Variants in SYT6 observed in about 807,000 individuals in gnomAD.
SYT6 encodes the protein synaptotagmin-6.
Under a neutral mutation model 38.4 loss-of-function variants are expected in SYT6, and 24 were observed. The ratio of observed to expected loss-of-function variants is 0.62; its 90% confidence interval spans 0.45 to 0.88. SYT6 has a LOEUF of 0.88. SYT6 is among the 40% of genes least tolerant of loss of function. The pLI, the probability that SYT6 is intolerant of heterozygous loss-of-function variation, is 0.00. For synonymous variants in SYT6, 265 were observed against 241.9 expected (o/e 1.10, Z -0.89); for missense variants, 611 against 621.0 (o/e 0.98, Z 0.17).
chr1:114,132,446 C>A (rs1463613468), intron 3 of SYT6, among the ~76,000 whole-genome samples: 1 of 152,182 alleles, frequency 6.6e-6, no homozygotes, highest in Non-Finnish European at 1.5e-5. Flanking sequence ...GCTGTGGAGA[C>A]CACACTCCCG....
At chr1:114,153,487 A>G (rs1024268664) in intron 1 of SYT6, 123 bp downstream of exon 1, 3 of 540,452 alleles carry the variant, frequency 5.6e-6, no homozygotes, top group Admixed American at 3.9e-5. Flanking sequence ...GCTGGCTCCC[A>G]ATCCAGAATC....
At position 114,097,722 on chromosome 1, in the gene SYT6, C is replaced by A. The variant is rs1480594040; in HGVS notation, c.1515+5G>T. 6.2e-7 allele frequency: 1 copy of A among 1,613,828 alleles called. No individual in the cohort carries two copies. The highest frequency in any genetic ancestry group is 1.3e-5 in the African/African-American group (1 of 75,064). On this transcript the variant is annotated splice_donor_5th_base_variant and intron_variant, in intron 6 of 7. Coordinates refer to ENST00000610222, the MANE Select transcript of SYT6 (RefSeq NM_001253772.2). ...ACATGCCAAGGGCCAGGTGACCTCACCCACCTCTTTGAAGGATTTCTTTAC... is the reference window on the plus strand; with the variant it reads ...ACATGCCAAGGGCCAGGTGACCTCAACCACCTCTTTGAAGGATTTCTTTAC...
chr1:114,118,213 C>A (rs1677117724), intron 3 of SYT6, among the ~76,000 whole-genome samples: 1 of 152,220 alleles, frequency 6.6e-6, no homozygotes, highest in Non-Finnish European at 1.5e-5. Context: ...CCTGCTCACC[C>A]AGGAGCACGA....
intron 3 of SYT6, among the ~76,000 whole-genome samples, chr1:114,107,695 C>T: frequency 6.6e-6 from 1 of 152,206 alleles, no homozygotes; most frequent in South Asian, 2.1e-4. Flanking sequence ...GGGTCAGCAT[C>T]TCCTGGTAGT....
chr1:114,119,492 TG>T (rs1194817005), intron 3 of SYT6, among the ~76,000 whole-genome samples: 1 of 152,262 alleles, frequency 6.6e-6, no homozygotes, highest in Admixed American at 6.5e-5. Flanking sequence ...GGCTGAGATT[TG>T]TGTGAATTCT....
intron 1 of SYT6, among the ~76,000 whole-genome samples, chr1:114,147,973 A>T (rs1003510665): frequency 6.6e-6 from 1 of 152,218 alleles, no homozygotes; most frequent in African/African-American, 2.4e-5. Context: ...GGGAGACTCC[A>T]GATCAGAGGA....
At chr1:114,151,683 G>A (rs1485760114) in intron 1 of SYT6, among the ~76,000 whole-genome samples, 1 of 152,176 alleles carries the variant, frequency 6.6e-6, no homozygotes, top group Non-Finnish European at 1.5e-5. Flanking sequence ...CAGCATTAAG[G>A]CTCCACTGGA....
chr1:114,144,523 C>T (rs529753652), intron 1 of SYT6, among the ~76,000 whole-genome samples: 1 of 152,308 alleles, frequency 6.6e-6, no homozygotes, highest in East Asian at 1.9e-4. Flanking sequence ...CTGTAGGCTA[C>T]TATGACACGT....
intron 1 of SYT6, among the ~76,000 whole-genome samples, chr1:114,148,009 C>G (rs1173029253): frequency 1.3e-5 from 2 of 152,144 alleles, no homozygotes; most frequent in Non-Finnish European, 2.9e-5. Context: ...ACGTCAGGCC[C>G]CTCTTCTCTC....
At chr1:114,109,408 T>G (rs536190120) in intron 3 of SYT6, among the ~76,000 whole-genome samples, 1 of 152,232 alleles carries the variant, frequency 6.6e-6, no homozygotes, top group African/African-American at 2.4e-5. Flanking sequence ...GGATTTGGGG[T>G]CAGGCAGATC....
At chr1:114,125,469 GAT>G (rs1677667585) in intron 3 of SYT6, among the ~76,000 whole-genome samples, 1 of 152,140 alleles carries the variant, frequency 6.6e-6, no homozygotes, top group Non-Finnish European at 1.5e-5. Context: ...CAGAAAGGAA[GAT>G]ATTAAATATT....
At chr1:114,109,951 G>T (rs754721334) in intron 3 of SYT6, among the ~76,000 whole-genome samples, 4 of 152,222 alleles carry the variant, frequency 2.6e-5, no homozygotes, top group Non-Finnish European at 5.9e-5. Flanking sequence ...ACACAGAAGG[G>T]GCAGGGAGTG....
chr1:114,148,373 A>G (rs1679262047), intron 1 of SYT6, among the ~76,000 whole-genome samples: 1 of 152,256 alleles, frequency 6.6e-6, no homozygotes, highest in Non-Finnish European at 1.5e-5. Flanking sequence ...TAAACTGGGA[A>G]GAGGAAGCAA....
At chr1:114,106,970 T>C (rs952772612) in intron 3 of SYT6, among the ~76,000 whole-genome samples, 1 of 152,194 alleles carries the variant, frequency 6.6e-6, no homozygotes, top group African/African-American at 2.4e-5. Flanking sequence ...GGTGCTCACA[T>C]TTTAGTAAAA....
At chr1:114,117,778 A>G in intron 3 of SYT6, among the ~76,000 whole-genome samples, 1 of 152,208 alleles carries the variant, frequency 6.6e-6, no homozygotes, top group Non-Finnish European at 1.5e-5. Flanking sequence ...TCTGCTGCGA[A>G]TCAGTAGAAT....
chr1:114,142,978 TG>T (rs1678944467), intron 1 of SYT6, among the ~76,000 whole-genome samples: 1 of 152,132 alleles, frequency 6.6e-6, no homozygotes, highest in Non-Finnish European at 1.5e-5. Context: ...GTATACTTTT[TG>T]TAAGGCTTTA....
chr1:114,153,287 G>A (rs549068035), intron 1 of SYT6, among the ~76,000 whole-genome samples: 1 of 152,210 alleles, frequency 6.6e-6, no homozygotes, highest in African/African-American at 2.4e-5. Context: ...CAAATCGCCC[G>A]CAGAGCGAGC....
chr1:114,119,021 G>C (rs1477635025), intron 3 of SYT6, among the ~76,000 whole-genome samples: 1 of 152,164 alleles, frequency 6.6e-6, no homozygotes, highest in Non-Finnish European at 1.5e-5. Context: ...TCCCAGCCCA[G>C]TCCTTCCTAG....
chr1:114,103,323 T>C (rs977366346), intron 4 of SYT6, among the ~76,000 whole-genome samples: 2 of 151,952 alleles, frequency 1.3e-5, no homozygotes, highest in Non-Finnish European at 2.9e-5. Flanking sequence ...TGAGTGCTTA[T>C]ATGTGTAAGG....
Sources: allele counts gnomAD v4.1 joint callset (sites outside exome capture counted in the v4.1 genomes callset), GRCh38; gene constraint gnomAD v4.1.1; transcripts MANE v1.5; gene names NCBI Gene and HGNC (gene_info 2026-07-23, HGNC 2026-07-21).